The following NTNG1 variants were observed in gnomAD, a reference collection of about 807,000 sequenced individuals.
NTNG1 encodes netrin G1, also known as netrin-G1.
A neutral mutation model predicts 54.0 loss-of-function variants in NTNG1; 16 were observed. The ratio of observed to expected loss-of-function variants is 0.30; its 90% CI spans 0.20 to 0.45. The LOEUF is 0.45. Ranked by LOEUF, NTNG1 falls within the 20% of genes least tolerant of loss-of-function variation. The probability of loss-of-function intolerance (pLI) is 1.00; values close to 1 mark genes in which losing one functional copy is unlikely to be tolerated. For missense variants in NTNG1, 530 were observed against 678.7 expected, an observed-to-expected ratio of 0.78 and a Z score of 2.43; for synonymous variants, 255 against 263.1, an observed-to-expected ratio of 0.97 and a Z score of 0.30.
chr1:107,282,169 A>T (rs1437472081), intron 2 of NTNG1, among the ~76,000 whole-genome samples: 1 of 152,202 alleles, frequency 6.6e-6, no homozygotes, highest in African/African-American at 2.4e-5. Flanking sequence ...GTTTTCTTTC[A>T]GTTTGACAAA....
chr1:107,348,073 T>C (rs149978607), intron 3 of NTNG1, among the ~76,000 whole-genome samples: 1 of 149,930 alleles, frequency 6.7e-6, no homozygotes, highest in East Asian at 2.0e-4. Flanking sequence ...TCTGTCCCCA[T>C]ATTGGTACCC....
At chr1:107,423,234 C>A (rs1031223618) in intron 5 of NTNG1, among the ~76,000 whole-genome samples, 3 of 152,052 alleles carry the variant, frequency 2.0e-5, no homozygotes, top group African/African-American at 7.2e-5. Context: ...TTTTTTCTAT[C>A]TTCCCACTAG....
In NTNG1 at chr1:107,382,597, A is replaced by G. The variant is rs1671716206; in HGVS notation, c.888-12557A>G. Among the ~76,000 whole-genome samples, 3 of 152,096 alleles carry G rather than the reference A, an allele frequency of 2.0e-5. No homozygotes were observed. The South Asian group carries it at 6.2e-4, about 31-fold the overall frequency. On this transcript the variant is annotated intron_variant, in intron 3 of 7. Transcript: ENST00000370068. Reference sequence around the variant, plus strand: ...TTGGCCATGTCCTATCTGTTGTATCATTTCAGACATCATTGCTGTTCTTCA... The same window carrying G: ...TTGGCCATGTCCTATCTGTTGTATCGTTTCAGACATCATTGCTGTTCTTCA...
At chr1:107,175,843 A>AAT (rs139878242) in intron 2 of NTNG1, among the ~76,000 whole-genome samples, 2,977 of 152,262 alleles carry the variant, frequency 0.02, 98 homozygotes, top group African/African-American at 0.068. Context: ...GAGAACAACT[A>AAT]AGTTTTAAGG....
At chr1:107,348,014 A>G (rs1158307845) in intron 3 of NTNG1, among the ~76,000 whole-genome samples, 1 of 152,020 alleles carries the variant, frequency 6.6e-6, no homozygotes, top group Non-Finnish European at 1.5e-5. Flanking sequence ...GAGCCAAACC[A>G]TATCATATCT....
chr1:107,340,627 C>G (rs1456814552), intron 3 of NTNG1, among the ~76,000 whole-genome samples: 5 of 152,014 alleles, frequency 3.3e-5, no homozygotes, highest in Non-Finnish European at 7.4e-5. Context: ...ATTTTACTAT[C>G]AAAATGAGAT....
intron 4 of NTNG1, chr1:107,395,597 A>AG: frequency 1.7e-6 from 1 of 586,388 alleles, no homozygotes; most frequent in Non-Finnish European, 3.1e-6. Context: ...TGGATGAGAC[A>AG]GGAGGTGATT....
intron 2 of NTNG1, among the ~76,000 whole-genome samples, chr1:107,260,073 G>A (rs1280669687): frequency 6.6e-6 from 1 of 152,124 alleles, no homozygotes; most frequent in East Asian, 1.9e-4. Flanking sequence ...TGCACAAGAA[G>A]ACACACACTG....
chr1:107,363,157 T>C (rs574200086), intron 3 of NTNG1, among the ~76,000 whole-genome samples: 1 of 152,340 alleles, frequency 6.6e-6, no homozygotes, highest in South Asian at 2.1e-4. Flanking sequence ...CTAATTATAG[T>C]TTTCAAAAGA....
chr1:107,427,333 A>G (rs1207513616), intron 5 of NTNG1, among the ~76,000 whole-genome samples: 2 of 152,074 alleles, frequency 1.3e-5, no homozygotes, highest in African/African-American at 2.4e-5. Flanking sequence ...TGGATACTAT[A>G]TAAGAAGAAA....
At chr1:107,315,366 C>T (rs1201717787) in intron 2 of NTNG1, among the ~76,000 whole-genome samples, 2 of 152,148 alleles carry the variant, frequency 1.3e-5, no homozygotes, top group African/African-American at 4.8e-5. Flanking sequence ...ACTATCCACA[C>T]AGAAGGCAAA....
chr1:107,348,505 AT>A (rs1472934604), intron 3 of NTNG1, among the ~76,000 whole-genome samples: 1 of 151,916 alleles, frequency 6.6e-6, no homozygotes, highest in African/African-American at 2.4e-5. Flanking sequence ...AAATTATTTC[AT>A]TTTTATCAAG....
rs1678646922 is a variant in NTNG1, at chr1:107,480,746, G to C, written c.1526G>C (p.Gly509Ala). Reference protein sequence around the residue: ...KLRCEEAGSCGSDSGQGAPPH... With the variant: ...KLRCEEAGSCASDSGQGAPPH... ...CGGTGCGAGGAGGCTGGCAGCTGCG[G>C]CTCCGACTCTGGCCAGGGCGCGCCC... Residue 509 changes from glycine to alanine, a missense_variant, in exon 8 of 8, where the codon GGC (glycine) becomes GCC (alanine). Around this residue, in one of 2 missense-constraint regions of NTNG1, gnomAD observed 212 missense variants for 213.6 expected, o/e 0.99. Coordinates refer to ENST00000370068, the MANE Select transcript of NTNG1 (RefSeq NM_001113226.3). The C allele has an allele frequency of 1.2e-6, 2 of 1,608,752 alleles. No individual in the cohort carries two copies. The highest frequency in any genetic ancestry group is 1.1e-5 in the South Asian group (1 of 90,392).
chr1:107,158,484 C>T (rs12743478), intron 2 of NTNG1, among the ~76,000 whole-genome samples: 17,668 of 152,150 alleles, frequency 0.12, 1,296 homozygotes, highest in South Asian at 0.16. Context: ...CTAAGTGTTG[C>T]TCCAGTACAA....
intron 2 of NTNG1, among the ~76,000 whole-genome samples, chr1:107,273,868 C>T (rs1028225231): frequency 1.3e-4 from 20 of 152,132 alleles, no homozygotes; most frequent in Admixed American, 4.6e-4. Context: ...AATAGTTTCA[C>T]TTTCACTTTT....
At chr1:107,456,447 G>T (rs894179390) in intron 7 of NTNG1, among the ~76,000 whole-genome samples, 5 of 152,114 alleles carry the variant, frequency 3.3e-5, no homozygotes, top group Non-Finnish European at 7.3e-5. Context: ...GGAGTCTCTT[G>T]TAGGTCCATG....
intron 5 of NTNG1, among the ~76,000 whole-genome samples, chr1:107,410,941 G>A (rs1673758433): frequency 6.6e-6 from 1 of 152,130 alleles, no homozygotes; most frequent in Non-Finnish European, 1.5e-5. Context: ...AAAACTGAAT[G>A]ACAGATGAGT....
intron 4 of NTNG1, among the ~76,000 whole-genome samples, chr1:107,400,347 T>A (rs1421683885): frequency 6.6e-6 from 1 of 152,194 alleles, no homozygotes; most frequent in Non-Finnish European, 1.5e-5. Context: ...CCAAAATTAT[T>A]ATAATAATGA....
chr1:107,324,977 C>T lies in NTNG1; in HGVS notation c.887+55C>T, dbSNP rs901951926. 2.7e-6 allele frequency: 4 copies of T among 1,491,486 alleles called. No individual in the cohort carries two copies. In the East Asian group the frequency reaches 6.8e-5, roughly 25 times the overall value. 92.4% of individuals were successfully genotyped at this position (1,491,486 alleles called of 1,614,324 possible). A position where few individuals can be genotyped will look rare whatever the true frequency, so the allele number is the denominator to read the frequency against. On this transcript the variant is annotated intron_variant, in intron 3 of 7. Transcript: ENST00000370068. ...GAACGGGTGTGTCCAAAGAAAATGCCAGAGTGTCTCACAGCTGTAAAGTGA... is the reference window on the plus strand; with the variant it reads ...GAACGGGTGTGTCCAAAGAAAATGCTAGAGTGTCTCACAGCTGTAAAGTGA...
Sources: allele counts gnomAD v4.1 joint callset (sites outside exome capture counted in the v4.1 genomes callset), GRCh38; gene constraint gnomAD v4.1.1; regional missense constraint gnomAD v4.1.1; transcripts MANE v1.5; gene names NCBI Gene and HGNC (gene_info 2026-07-23, HGNC 2026-07-21).